Variants in PIP5K1B observed in about 807,000 individuals in gnomAD.
PIP5K1B encodes the protein phosphatidylinositol-4-phosphate 5-kinase type 1 beta.
In PIP5K1B, 42 loss-of-function variants were observed where a neutral mutation model predicts 67.0. The ratio of observed to expected loss-of-function variants is 0.63; its 90% confidence interval spans 0.49 to 0.81. The LOEUF is 0.81. Ranked by LOEUF, PIP5K1B falls within the 30% of genes least tolerant of loss-of-function variation. PIP5K1B has a pLI of 0.00. For missense variants in PIP5K1B, 459 were observed against 646.3 expected, an observed-to-expected ratio of 0.71 and a Z score of 3.14; for synonymous variants, 214 against 231.4, an observed-to-expected ratio of 0.92 and a Z score of 0.68.
Position 68,815,720 on chromosome 9 carries a change from T to C in PIP5K1B, c.-85-2741T>C, listed in dbSNP as rs532692951. ...GTATAAATTCTTTCATACCAAAAACTGATAAAGATGGCCACAACGGTTGTT... is the reference window on the plus strand; with the variant it reads ...GTATAAATTCTTTCATACCAAAAACCGATAAAGATGGCCACAACGGTTGTT... On this transcript the variant is annotated intron_variant, in intron 2 of 15. Transcript: ENST00000265382. Among the ~76,000 whole-genome samples, 16 of 152,210 alleles carry C rather than the reference T, an allele frequency of 1.1e-4. No homozygotes were observed. In the South Asian group the frequency reaches 3.3e-3, roughly 32 times the overall value.
rs534605785 is a variant in PIP5K1B at position 68,778,313 on chromosome 9, C to A, written c.-86+35656C>A. 3.3e-5 allele frequency among the ~76,000 whole-genome samples: 5 copies of A among 152,218 alleles called. No homozygotes were observed. The South Asian group carries it at 1.0e-3, about 32-fold the overall frequency. ...GTGGGATTATGGAGTGTTTAAAGTGCCTAGCAGGGAGTAGGCACTTAGAAA... is the reference window on the plus strand; with the variant it reads ...GTGGGATTATGGAGTGTTTAAAGTGACTAGCAGGGAGTAGGCACTTAGAAA... On this transcript the variant is annotated intron_variant, in intron 2 of 15. Coordinates refer to ENST00000265382, the MANE Select transcript of PIP5K1B (RefSeq NM_003558.4).
At chr9:68,802,562 A>G (rs935824822) in intron 2 of PIP5K1B, among the ~76,000 whole-genome samples, 3 of 152,232 alleles carry the variant, frequency 2.0e-5, no homozygotes, top group Non-Finnish European at 4.4e-5. Context: ...CAATAGAGTT[A>G]GTCCCAGAGC....
intron 12 of PIP5K1B, among the ~76,000 whole-genome samples, chr9:68,927,922 T>C (rs1434615287): frequency 1.3e-5 from 2 of 152,242 alleles, no homozygotes; most frequent in African/African-American, 4.8e-5. Context: ...GATTTAATTT[T>C]TTTGTATATG....
intron 2 of PIP5K1B, among the ~76,000 whole-genome samples, chr9:68,764,810 G>A (rs1830354408): frequency 6.6e-6 from 1 of 151,980 alleles, no homozygotes; most frequent in Admixed American, 6.6e-5. Flanking sequence ...CATCAATGTA[G>A]CAAAGAAAAA....
chr9:68,768,167 C>T (rs1396010464), intron 2 of PIP5K1B, among the ~76,000 whole-genome samples: 1 of 151,982 alleles, frequency 6.6e-6, no homozygotes, highest in Non-Finnish European at 1.5e-5. Flanking sequence ...AATTGCACAG[C>T]TAGAAAGAAT....
At chr9:68,742,088 G>GT (rs1829037306) in intron 1 of PIP5K1B, among the ~76,000 whole-genome samples, 1 of 152,138 alleles carries the variant, frequency 6.6e-6, no homozygotes, top group Non-Finnish European at 1.5e-5. Flanking sequence ...ATGACATTAT[G>GT]GGTTACATTG....
chr9:69,005,000 A>G (rs1831008528), intron 15 of PIP5K1B, among the ~76,000 whole-genome samples: 1 of 152,174 alleles, frequency 6.6e-6, no homozygotes, highest in Non-Finnish European at 1.5e-5. Flanking sequence ...TCCAAGAATT[A>G]CATTACAACA....
At chr9:68,960,851 G>A (rs12349586) in intron 14 of PIP5K1B, among the ~76,000 whole-genome samples, 23,278 of 151,948 alleles carry the variant, frequency 0.15, 1,975 homozygotes, top group East Asian at 0.42. Flanking sequence ...CGATATTTTC[G>A]ATCTCTTTTA....
chr9:68,972,822 G>A (rs1829451852), intron 14 of PIP5K1B, among the ~76,000 whole-genome samples: 2 of 152,032 alleles, frequency 1.3e-5, no homozygotes, highest in Middle Eastern at 3.2e-3. Context: ...TAACTAAAAT[G>A]TATTGAACAC....
intron 2 of PIP5K1B, among the ~76,000 whole-genome samples, chr9:68,786,704 C>T (rs985334858): frequency 2.0e-5 from 3 of 151,276 alleles, no homozygotes; most frequent in Non-Finnish European, 4.4e-5. Context: ...TGTATTTTTT[C>T]CCTATAGCAT....
intron 14 of PIP5K1B, among the ~76,000 whole-genome samples, chr9:68,988,623 G>A (rs1830207943): frequency 6.6e-6 from 1 of 151,676 alleles, no homozygotes; most frequent in African/African-American, 2.4e-5. Context: ...CTAATATTTT[G>A]TATTTTTAGT....
intron 2 of PIP5K1B, chr9:68,782,087 G>A (rs1388518601): frequency 6.0e-6 from 1 of 167,116 alleles, no homozygotes; most frequent in East Asian, 1.9e-4. Context: ...CAGGAAGGAA[G>A]CAGCTGTTTC....
intron 4 of PIP5K1B, among the ~76,000 whole-genome samples, chr9:68,842,221 G>A (rs1821954015): frequency 6.6e-6 from 1 of 152,214 alleles, no homozygotes; most frequent in Non-Finnish European, 1.5e-5. Context: ...TTGCGTGAGT[G>A]CCTACGTGCA....
rs888904977 is a variant in PIP5K1B at position 68,843,960 on chromosome 9, G to A, written c.70-19877G>A. Among the ~76,000 whole-genome samples, 6 of 152,204 alleles carry A rather than the reference G, an allele frequency of 3.9e-5. No individual in the cohort carries two copies. The East Asian group carries it at 9.6e-4, about 24-fold the overall frequency. The stretch of plus-strand genomic sequence containing the variant: ...GTGGCTCAGGAGACAGGCAGAGGTT[G>A]TTAGAGGAAGCACAGAATACTGGAG... On this transcript the variant is annotated intron_variant, in intron 4 of 15. Transcript: ENST00000265382.
intron 14 of PIP5K1B, among the ~76,000 whole-genome samples, chr9:68,943,566 A>T (rs1172776187): frequency 6.6e-6 from 1 of 152,118 alleles, no homozygotes; most frequent in Non-Finnish European, 1.5e-5. Context: ...ACCTAGTCCT[A>T]TGTGGCAATA....
chr9:68,800,806 G>A (rs915170193), intron 2 of PIP5K1B, among the ~76,000 whole-genome samples: 2 of 152,130 alleles, frequency 1.3e-5, no homozygotes, highest in Non-Finnish European at 2.9e-5. Context: ...TCAAACAAAG[G>A]TGTCCTAGGC....
At chr9:68,738,140 G>A (rs10781142) in intron 1 of PIP5K1B, among the ~76,000 whole-genome samples, 111,186 of 152,090 alleles carry the variant, frequency 0.73, 41,742 homozygotes, top group African/African-American at 0.91. Flanking sequence ...CTTGGATAGA[G>A]ATCTGAAAAA....
intron 4 of PIP5K1B, among the ~76,000 whole-genome samples, chr9:68,842,214 C>T (rs1472860141): frequency 1.3e-5 from 2 of 152,178 alleles, no homozygotes; most frequent in Non-Finnish European, 2.9e-5. Context: ...GTAGCCTTTG[C>T]GTGAGTGCCT....
chr9:68,863,803 A>G (rs1378160216), intron 4 of PIP5K1B, 34 bp from the exon 5 acceptor site: 3 of 1,605,338 alleles, frequency 1.9e-6, no homozygotes, highest in Non-Finnish European at 1.7e-6. Context: ...CCTGACTGTT[A>G]AGACTAATGT....
Sources: gnomAD v4.1 joint callset for allele counts (sites outside exome capture counted in the v4.1 genomes callset) on GRCh38, gnomAD v4.1.1 for gene constraint, MANE v1.5 for transcripts, NCBI Gene and HGNC (gene_info 2026-07-23, HGNC 2026-07-21) for gene names.